Variants in BBS9 observed in about 807,000 individuals in gnomAD.
BBS9 encodes protein PTHB1.
BBS9 carries 89 observed loss-of-function variants against 117.7 expected under a neutral mutation model. The observed-to-expected ratio is 0.76, with a 90% confidence interval of 0.64 to 0.90. BBS9 has a LOEUF of 0.90. BBS9 is among the 40% of genes least tolerant of loss of function. The pLI, the probability that BBS9 is intolerant of heterozygous loss-of-function variation, is 0.00. For synonymous variants in BBS9, 379 were observed against 370.9 expected (o/e 1.02, Z -0.25); for missense variants, 982 against 1,042.2 (o/e 0.94, Z 0.80).
chr7:33,174,484 CAG>C (rs1797042989), intron 4 of BBS9, among the ~76,000 whole-genome samples: 1 of 152,160 alleles, frequency 6.6e-6, no homozygotes, highest in Admixed American at 6.5e-5. Context: ...GATTTATAGA[CAG>C]AAAAATGAAA....
intron 19 of BBS9, among the ~76,000 whole-genome samples, chr7:33,428,135 A>C (rs529465532): frequency 2.0e-5 from 3 of 152,162 alleles, no homozygotes; most frequent in African/African-American, 7.2e-5. Flanking sequence ...AACAATATTA[A>C]TAATTGCACC....
intron 21 of BBS9, among the ~76,000 whole-genome samples, chr7:33,572,381 T>C (rs1857952226): frequency 6.6e-6 from 1 of 152,174 alleles, no homozygotes; most frequent in African/African-American, 2.4e-5. Flanking sequence ...TTGCCTAGTG[T>C]GAATAGTGCT....
intron 1 of BBS9, among the ~76,000 whole-genome samples, chr7:33,134,285 G>A (rs1028990400): frequency 2.3e-4 from 33 of 145,476 alleles, no homozygotes; most frequent in Non-Finnish European, 5.9e-5. Context: ...GGCTGGTCTC[G>A]AACTTCTGGC....
chr7:33,329,713 A>G (rs1411559725), intron 9 of BBS9, among the ~76,000 whole-genome samples: 1 of 152,200 alleles, frequency 6.6e-6, no homozygotes, highest in East Asian at 1.9e-4. Context: ...AAGGATTATA[A>G]CAAATTTACA....
At chr7:33,336,935 G>T (rs1052496390) in intron 10 of BBS9, among the ~76,000 whole-genome samples, 2 of 152,166 alleles carry the variant, frequency 1.3e-5, no homozygotes, top group Non-Finnish European at 2.9e-5. Flanking sequence ...TAGGCCTTGA[G>T]AAGAGCATTA....
At chr7:33,341,306 G>A (rs1816505315) in intron 11 of BBS9, among the ~76,000 whole-genome samples, 1 of 152,094 alleles carries the variant, frequency 6.6e-6, no homozygotes, top group Admixed American at 6.5e-5. Flanking sequence ...TACTAATGTA[G>A]CTGAATAATA....
chr7:33,386,308 A>G (rs892643269), intron 18 of BBS9, among the ~76,000 whole-genome samples: 1 of 152,078 alleles, frequency 6.6e-6, no homozygotes, highest in Non-Finnish European at 1.5e-5. Flanking sequence ...AGAAATGTAG[A>G]CTACGATATG....
intron 19 of BBS9, among the ~76,000 whole-genome samples, chr7:33,436,082 A>G (rs933450284): frequency 1.3e-5 from 2 of 152,200 alleles, no homozygotes; most frequent in Admixed American, 1.3e-4. Flanking sequence ...TGCAACTTTA[A>G]GACAGGTCAG....
intron 16 of BBS9, among the ~76,000 whole-genome samples, chr7:33,365,474 CTG>C (rs1242187821): frequency 6.6e-6 from 1 of 152,250 alleles, no homozygotes; most frequent in Admixed American, 6.5e-5. Flanking sequence ...GTTGCCAACT[CTG>C]TGAGTGTTCT....
chr7:33,388,856 A>G (rs1353376264), intron 19 of BBS9, among the ~76,000 whole-genome samples: 1 of 152,232 alleles, frequency 6.6e-6, no homozygotes, highest in Non-Finnish European at 1.5e-5. Flanking sequence ...ACTTTGAATG[A>G]CTATATTGTG....
At chr7:33,340,760 A>C in intron 10 of BBS9, 137 bp from the exon 11 acceptor site, 4 of 637,566 alleles carry the variant, frequency 6.3e-6, no homozygotes, top group Non-Finnish European at 1.1e-5. Context: ...CTAATACTGT[A>C]ATGCATTAGT....
intron 20 of BBS9, among the ~76,000 whole-genome samples, chr7:33,532,711 G>T (rs1585154687): frequency 6.6e-6 from 1 of 152,176 alleles, no homozygotes; most frequent in Non-Finnish European, 1.5e-5. Flanking sequence ...CCATATCATA[G>T]TTGAAGCTTG....
At position 33,340,981 on chromosome 7, in the gene BBS9, T is replaced by G. The variant is rs970842249; in HGVS notation, c.1275+8T>G. 1 of 1,609,884 alleles carries G rather than the reference T, an allele frequency of 6.2e-7. No individual in the cohort carries two copies. Among genetic ancestry groups the G allele is most frequent in the South Asian group, 1.1e-5 (1 of 90,996 alleles). Reference sequence around the variant, plus strand: ...AACTTTGATTCAGTTTCTGTAGGTGTACTTGCAGATTTTAAAGGGGTTTAT... The same window carrying G: ...AACTTTGATTCAGTTTCTGTAGGTGGACTTGCAGATTTTAAAGGGGTTTAT... On this transcript the variant is annotated splice_region_variant and intron_variant, in intron 11 of 22. Coordinates refer to ENST00000242067, the MANE Select transcript of BBS9 (RefSeq NM_198428.3).
intron 19 of BBS9, among the ~76,000 whole-genome samples, chr7:33,420,417 G>T (rs1832681440): frequency 6.6e-6 from 1 of 152,124 alleles, no homozygotes; most frequent in African/African-American, 2.4e-5. Flanking sequence ...ACAAGACCCT[G>T]ACTATTTTGG....
chr7:33,336,431 C>A lies in BBS9; in HGVS notation c.1017-10C>A, dbSNP rs1276343842. ...TAAAATTATGTCTCATTTTCTCTTC[C>A]TTATTGTAGTGATTTAAAGGGAGTG... On this transcript the variant is annotated splice_polypyrimidine_tract_variant and intron_variant, in intron 9 of 22. Transcript: ENST00000242067. 6.2e-7 allele frequency: 1 copy of A among 1,610,518 alleles called. No homozygotes were observed. The highest frequency in any genetic ancestry group is 8.5e-7 in the Non-Finnish European group (1 of 1,177,290).
chr7:33,332,536 G>A (rs1000633121), intron 9 of BBS9, among the ~76,000 whole-genome samples: 51 of 152,270 alleles, frequency 3.3e-4, no homozygotes, highest in African/African-American at 1.2e-3. Context: ...AATTAGCTGG[G>A]TGTGGTGGCA....
At chr7:33,616,852 C>A (rs1865163937) in intron 21 of BBS9, among the ~76,000 whole-genome samples, 1 of 151,888 alleles carries the variant, frequency 6.6e-6, no homozygotes, top group African/African-American at 2.4e-5. Context: ...TCATCCCTCA[C>A]CCCTCTCCCA....
chr7:33,460,179 A>G (rs1203914774), intron 19 of BBS9, among the ~76,000 whole-genome samples: 1 of 152,156 alleles, frequency 6.6e-6, no homozygotes, highest in Non-Finnish European at 1.5e-5. Context: ...GAAAATCTGC[A>G]TAATGATGAA....
At chr7:33,439,493 G>A (rs888471612) in intron 19 of BBS9, among the ~76,000 whole-genome samples, 5 of 149,610 alleles carry the variant, frequency 3.3e-5, no homozygotes, top group African/African-American at 4.9e-5. Flanking sequence ...ATAAGCCTGC[G>A]CCCACATCCA....
Sources: gnomAD v4.1 joint callset for allele counts (sites outside exome capture counted in the v4.1 genomes callset) on GRCh38, gnomAD v4.1.1 for gene constraint, MANE v1.5 for transcripts, NCBI Gene and HGNC (gene_info 2026-07-23, HGNC 2026-07-21) for gene names.